Variants in NOX1 observed in about 807,000 individuals in gnomAD.
The protein encoded by NOX1 is NADPH oxidase 1.
Under a neutral mutation model 42.5 loss-of-function variants are expected in NOX1, and 34 were observed. The observed-to-expected ratio is 0.80, with a 90% CI of 0.61 to 1.07. The LOEUF is 1.07. Ranked by LOEUF, NOX1 falls within the 50% of genes least tolerant of loss-of-function variation. The probability of loss-of-function intolerance (pLI) is 0.00; values close to 1 mark genes in which losing one functional copy is unlikely to be tolerated. For synonymous variants in NOX1, 143 were observed against 152.5 expected (o/e 0.94, Z 0.46); for missense variants, 408 against 427.0 (o/e 0.96, Z 0.39).
rs753168116 is a variant in NOX1, at chrX:100,870,682, C to CTAT, written c.141+36_141+37insATA. The CTAT allele has an allele frequency of 9.4e-5, 82 of 868,063 alleles. No individual in the cohort carries two copies. In the South Asian group the frequency reaches 1.6e-3, roughly 17 times the overall value. 71.5% of individuals were successfully genotyped at this position (868,063 alleles called of 1,213,427 possible). On this transcript the variant is annotated intron_variant, in intron 2 of 12. Transcript: ENST00000372966. ...AAGCTGGAATCAGAGATAAGGAAAACAATAGAGATTCTATCCGTGACAACC... is the reference window on the plus strand; with the variant it reads ...AAGCTGGAATCAGAGATAAGGAAAACTATAATAGAGATTCTATCCGTGACAACC...
chrX:100,866,863 T>C (rs1021173225), intron 2 of NOX1, among the ~76,000 whole-genome samples: 1 of 110,347 alleles, frequency 9.1e-6, no homozygotes, highest in African/African-American at 3.3e-5. Flanking sequence ...TTCATCACTA[T>C]GCAATATATG....
intron 7 of NOX1, among the ~76,000 whole-genome samples, chrX:100,852,209 C>A (rs777354178): frequency 4.5e-5 from 5 of 112,150 alleles, no homozygotes; most frequent in African/African-American, 9.7e-5. Context: ...TGGCTCACGC[C>A]TGTAATCCCA....
intron 7 of NOX1, among the ~76,000 whole-genome samples, chrX:100,860,079 A>ATGAT (rs1256657932): frequency 9.1e-6 from 1 of 110,493 alleles, no homozygotes; most frequent in Non-Finnish European, 1.9e-5. Context: ...TTCAATGCAA[A>ATGAT]TGATAGGAGA....
intron 7 of NOX1, among the ~76,000 whole-genome samples, chrX:100,859,796 T>C (rs1483002455): frequency 9.5e-6 from 1 of 105,787 alleles, no homozygotes; most frequent in Non-Finnish European, 1.9e-5. Context: ...TCAGTCATAA[T>C]GTCCTCTTTG....
In NOX1 at chrX:100,862,174, A is replaced by T; in HGVS notation, c.801T>A (p.Pro267=). Reference sequence around the variant, plus strand: ...TCCTTGCCCGTAGGGCTCTTACCTCAGGGGGATGCCCTTCAAACTTAGGGC... The same window carrying T: ...TCCTTGCCCGTAGGGCTCTTACCTCTGGGGGATGCCCTTCAAACTTAGGGC... ...CRRPKFEGHP[P]ESWKWILAPV... is the part of the protein sequence containing the mutation. The change falls in exon 7 of 13, where the codon CCT becomes CCA. Residue 267 remains proline, a synonymous_variant. Coordinates refer to ENST00000372966, the MANE Select transcript of NOX1 (RefSeq NM_007052.5). 8.3e-7 allele frequency: 1 copy of T among 1,211,853 alleles called. No individual in the cohort carries two copies. Among genetic ancestry groups the T allele is most frequent in the Non-Finnish European group, 1.1e-6 (1 of 895,306 alleles).
rs753772745 is a variant in NOX1, at chrX:100,862,512, G to A, written c.551C>T (p.Ala184Val). Residue 184 changes from alanine (A) to valine (V), a missense_variant, in exon 6 of 13, where the codon GCC becomes GTC. Transcript: ENST00000372966. Reference sequence around the variant, plus strand: ...AGCTGAAGTTACCATGAGAATCAAGGCTATTGTCATGATCACTCCAGTGAG... The same window carrying A: ...AGCTGAAGTTACCATGAGAATCAAGACTATTGTCATGATCACTCCAGTGAG... ...AGLTGVIMTI[A>V]LILMVTSATE... 7 of 1,207,169 alleles carry A rather than the reference G, an allele frequency of 5.8e-6. No homozygotes were observed. The highest frequency in any genetic ancestry group is 2.2e-5 in the Admixed American group (1 of 45,755).
intron 7 of NOX1, chrX:100,856,158 T>C: frequency 1.1e-6 from 1 of 916,620 alleles, no homozygotes; most frequent in Non-Finnish European, 1.6e-6. Flanking sequence ...TTGTGTGGCC[T>C]TGCGTTCGTG....
intron 7 of NOX1, among the ~76,000 whole-genome samples, chrX:100,859,788 A>T: frequency 9.7e-6 from 1 of 102,796 alleles, no homozygotes; most frequent in Admixed American, 1.1e-4. Flanking sequence ...CTGTGCGGTC[A>T]GTCATAATGT....
chrX:100,862,892 T>A, intron 4 of NOX1, 72 bp from the exon 5 acceptor site: 1 of 979,748 alleles, frequency 1.0e-6, no homozygotes. Context: ...CCCACTAGAC[T>A]AGAAGAATCC....
intron 7 of NOX1, chrX:100,856,244 A>G: frequency 1.0e-6 from 1 of 963,665 alleles, no homozygotes; most frequent in Non-Finnish European, 1.5e-6. Context: ...TGGATCTCTC[A>G]TTACCACACA....
chrX:100,849,095 A>AGAC (rs1454970750), intron 11 of NOX1, among the ~76,000 whole-genome samples, 185 bp downstream of exon 11: 12 of 110,517 alleles, frequency 1.1e-4, no homozygotes, highest in Non-Finnish European at 2.3e-4. Context: ...AAAAAAAAGA[A>AGAC]GAAAGAAAGA....
At position 100,843,942 on chromosome X, in the gene NOX1, T is replaced by C. The variant is rs745815547; in HGVS notation, c.*10A>G. ...GACAAAATGCAGATTACCGTCCTTA[T>C]TCCTATAACTCAAAAATTTTCTTTG... On this transcript the variant is annotated 3_prime_UTR_variant, in exon 13 of 13. Coordinates refer to ENST00000372966, the MANE Select transcript of NOX1 (RefSeq NM_007052.5). 2 of 1,197,472 alleles carry C rather than the reference T, an allele frequency of 1.7e-6. No individual in the cohort carries two copies. The highest frequency in any genetic ancestry group is 3.0e-5 in the East Asian group (1 of 33,775).
intron 7 of NOX1, among the ~76,000 whole-genome samples, chrX:100,853,865 G>A (rs1428921195): frequency 1.8e-5 from 2 of 111,838 alleles, no homozygotes; most frequent in Non-Finnish European, 1.9e-5. Flanking sequence ...TTTCAAGGCC[G>A]GGTGCGGTGG....
chrX:100,862,616 G>A, intron 5 of NOX1, 43 bp from the exon 6 acceptor site: 3 of 1,192,049 alleles, frequency 2.5e-6, no homozygotes, highest in Non-Finnish European at 3.4e-6. Context: ...GTCCACCTGT[G>A]CACTTCCTGC....
In NOX1 at chrX:100,862,719, C is replaced by G. The variant is rs1368590611; in HGVS notation, c.439G>C (p.Asp147His). 8.4e-7 allele frequency: 1 copy of G among 1,197,320 alleles called. No homozygotes were observed. Among genetic ancestry groups the G allele is most frequent in the East Asian group, 3.0e-5 (1 of 33,778 alleles). The change falls in exon 5 of 13, where the codon GAT becomes CAT. Residue 147 changes from aspartate to histidine, a missense_variant. Coordinates refer to ENST00000372966, the MANE Select transcript of NOX1 (RefSeq NM_007052.5). ...AGCCAAGAACCCCCCTTTTTCTCAT[C>G]ATGAGATAGGCTGGAGAGAATGGAG... ...LASILSSLSHDEKKGGSWLNP... is the reference protein window; with the variant it reads ...LASILSSLSHHEKKGGSWLNP...
intron 1 of NOX1, 51 bp from the exon 2 acceptor site, chrX:100,870,865 G>A (rs1569449317): frequency 1.2e-6 from 1 of 809,755 alleles, no homozygotes; most frequent in Non-Finnish European, 1.8e-6. Context: ...TTTGAGTATG[G>A]GAAGGAGTAA....
At chrX:100,850,806 G>A (rs2085109010) in intron 8 of NOX1, among the ~76,000 whole-genome samples, 1 of 110,866 alleles carries the variant, frequency 9.0e-6, no homozygotes, top group African/African-American at 3.3e-5. Flanking sequence ...GTTCTGTCCA[G>A]TGCTGGAGGA....
Position 100,871,628 on chromosome X carries a change from C to G in NOX1, c.46-814G>C, listed in dbSNP as rs748091960. Among the ~76,000 whole-genome samples the G allele has an allele frequency of 2.7e-5, 3 of 111,957 alleles. No homozygotes were observed. In the East Asian group the frequency reaches 8.4e-4, roughly 31 times the overall value. ...GTTCCAAGTTCTGTCTCTGCACTGG[C>G]TAAAGGTGAAATTTGGAACTCACTG... is the stretch of plus-strand genomic sequence containing the variant. On this transcript the variant is annotated intron_variant, in intron 1 of 12. Coordinates refer to ENST00000372966, the MANE Select transcript of NOX1 (RefSeq NM_007052.5).
rs767917122 is a variant in NOX1, at chrX:100,871,751, C to T, written c.46-937G>A. Among the ~76,000 whole-genome samples, 3 of 111,301 alleles carry T rather than the reference C, an allele frequency of 2.7e-5. No individual in the cohort carries two copies. The East Asian group carries it at 8.5e-4, about 32-fold the overall frequency. ...CTCCAGGGCGCTAGTATATATCCCT[C>T]GCCCCACAGTATGAGTCAGAACCAT... On this transcript the variant is annotated intron_variant, in intron 1 of 12. Coordinates refer to ENST00000372966, the MANE Select transcript of NOX1 (RefSeq NM_007052.5).
Sources: gnomAD v4.1 joint callset for allele counts (sites outside exome capture counted in the v4.1 genomes callset) on GRCh38, gnomAD v4.1.1 for gene constraint, MANE v1.5 for transcripts, NCBI Gene and HGNC (gene_info 2026-07-23, HGNC 2026-07-21) for gene names.